The following TTC21B variants were observed in gnomAD, a reference collection of about 807,000 sequenced individuals.
The protein encoded by TTC21B is tetratricopeptide repeat domain 21B, also known as tetratricopeptide repeat protein 21B.
A neutral mutation model predicts 175.1 loss-of-function variants in TTC21B; 127 were observed. The ratio of observed to expected loss-of-function variants is 0.73; its 90% CI spans 0.63 to 0.84. The LOEUF is 0.84. TTC21B is among the 40% of genes least tolerant of loss of function. TTC21B has a pLI of 0.00. For missense variants in TTC21B, 1,561 were observed against 1,558.3 expected (o/e 1.00, Z -0.03); for synonymous variants, 524 against 524.5 (o/e 1.00, Z 0.01).
intron 4 of TTC21B, among the ~76,000 whole-genome samples, chr2:165,944,120 T>G (rs567857294): frequency 6.6e-6 from 1 of 152,244 alleles, no homozygotes; most frequent in Admixed American, 6.5e-5. Context: ...GCTAAATCAG[T>G]GCCATCATTG....
chr2:165,953,678 C>CGCTCACCCGCTCACCT lies in TTC21B; in HGVS notation c.21+6_21+7insAGGTGAGCGGGTGAGC, dbSNP rs778152908. The CGCTCACCCGCTCACCT allele has an allele frequency of 3.2e-5, 49 of 1,548,470 alleles. No homozygotes were observed. Among genetic ancestry groups the CGCTCACCCGCTCACCT allele is most frequent in the South Asian group, 4.8e-5 (4 of 84,016 alleles). ...CCGCTCACCCGCTCACCCGCTCACC[C>CGCTCACCCGCTCACCT]GCTCACCTTCAATTCCTGCGAGTCC... On this transcript the variant is annotated splice_region_variant and intron_variant, in intron 1 of 28. Transcript: ENST00000243344.
At chr2:165,913,303 G>A (rs1035544797) in intron 16 of TTC21B, among the ~76,000 whole-genome samples, 3 of 152,078 alleles carry the variant, frequency 2.0e-5, no homozygotes, top group African/African-American at 7.2e-5. Flanking sequence ...TGGGATTACA[G>A]GCATGAACCA....
chr2:165,908,336 T>G (rs774263432), intron 18 of TTC21B, among the ~76,000 whole-genome samples: 1 of 152,174 alleles, frequency 6.6e-6, no homozygotes, highest in Non-Finnish European at 1.5e-5. Flanking sequence ...AAAATGATAG[T>G]AACTACCTCA....
At chr2:165,881,013 C>A (rs1684819641) in intron 26 of TTC21B, among the ~76,000 whole-genome samples, 1 of 152,118 alleles carries the variant, frequency 6.6e-6, no homozygotes, top group Admixed American at 6.6e-5. Flanking sequence ...TCAGGATTTT[C>A]TTTACAGAAT....
chr2:165,923,989 G>C (rs116542056), intron 12 of TTC21B, among the ~76,000 whole-genome samples: 2,983 of 152,176 alleles, frequency 0.02, 36 homozygotes, highest in Middle Eastern at 0.061. Context: ...CCAGGCTCAA[G>C]TAATCTGCTC....
intron 15 of TTC21B, among the ~76,000 whole-genome samples, chr2:165,914,682 T>TGTGTGTGCGCGCGCGCGCGCGCGC (rs1553511380): frequency 6.7e-6 from 1 of 149,760 alleles, no homozygotes; most frequent in African/African-American, 2.5e-5. Flanking sequence ...TGTGTGTGTG[T>TGTGTGTGCGCGCGCGCGCGCGCGC]GTGTGTGTGT....
chr2:165,910,202 G>A (rs1299796287), intron 18 of TTC21B, among the ~76,000 whole-genome samples: 2 of 152,136 alleles, frequency 1.3e-5, no homozygotes, highest in African/African-American at 4.8e-5. Flanking sequence ...AGGAGATCGA[G>A]ACTGTCCTGG....
chr2:165,945,326 A>G (rs1255838975), intron 4 of TTC21B, among the ~76,000 whole-genome samples, 198 bp downstream of exon 4: 1 of 152,178 alleles, frequency 6.6e-6, no homozygotes, highest in Non-Finnish European at 1.5e-5. Flanking sequence ...GTAGCATAAA[A>G]CTAACCTTAG....
chr2:165,947,926 G>C (rs1687639389), intron 3 of TTC21B: 1 of 152,138 alleles, frequency 6.6e-6, no homozygotes, highest in Non-Finnish European at 1.5e-5. Context: ...ATCAACACTG[G>C]TAAGAATAAC....
chr2:165,941,242 A>G, intron 5 of TTC21B, 58 bp from the exon 6 acceptor site: 1 of 1,580,988 alleles, frequency 6.3e-7, no homozygotes, highest in Non-Finnish European at 8.7e-7. Context: ...CAAAGTTCTC[A>G]TAACGCAGAG....
intron 6 of TTC21B, among the ~76,000 whole-genome samples, chr2:165,937,893 A>G (rs974416312): frequency 1.3e-5 from 2 of 151,518 alleles, no homozygotes; most frequent in Non-Finnish European, 2.9e-5. Context: ...GTGGCCTTCA[A>G]ATATCATTTC....
In TTC21B at chr2:165,917,286, T is replaced by G; in HGVS notation, c.1870A>C (p.Ile624Leu). The G allele has an allele frequency of 6.2e-7, 1 of 1,614,190 alleles. No homozygotes were observed. Residue 624 changes from isoleucine (I) to leucine (L), a missense_variant, in exon 14 of 29, where the codon ATA becomes CTA. Ile to Leu is a conservative substitution (Grantham distance 5). Coordinates refer to ENST00000243344, the MANE Select transcript of TTC21B (RefSeq NM_024753.5). The stretch of plus-strand genomic sequence containing the variant: ...TCTCCATTTAAGCGGTGAACGTCTA[T>G]CAATTCAAGAAAGATCGATAAACGA... ...SHRLSIFLEL[I>L]DVHRLNGEQH...
intron 5 of TTC21B, among the ~76,000 whole-genome samples, chr2:165,942,717 T>C (rs12612487): frequency 0.018 from 2,810 of 152,314 alleles, 125 homozygotes; most frequent in Admixed American, 0.1. Flanking sequence ...TAAATGTGTT[T>C]GCTCAAATGT....
chr2:165,907,943 T>TA (rs58336772), intron 18 of TTC21B, among the ~76,000 whole-genome samples, 159 bp from the exon 19 acceptor site: 31 of 146,276 alleles, frequency 2.1e-4, no homozygotes, highest in African/African-American at 4.3e-4. Flanking sequence ...ATGGCCAAAT[T>TA]AAAAAAAAAA....
intron 4 of TTC21B, among the ~76,000 whole-genome samples, chr2:165,943,599 A>C (rs576089743): frequency 2.6e-5 from 4 of 152,310 alleles, no homozygotes; most frequent in African/African-American, 9.6e-5. Flanking sequence ...CAAATATTCC[A>C]TTAGTGTTAA....
At chr2:165,928,086 A>G (rs995322908) in intron 11 of TTC21B, among the ~76,000 whole-genome samples, 1 of 152,214 alleles carries the variant, frequency 6.6e-6, no homozygotes, top group African/African-American at 2.4e-5. Flanking sequence ...ATAGGGTTTC[A>G]TCTTCAATTA....
At chr2:165,883,014 C>A (rs1301167574) in intron 26 of TTC21B, among the ~76,000 whole-genome samples, 2 of 152,010 alleles carry the variant, frequency 1.3e-5, no homozygotes. Flanking sequence ...AGGAAAGTAT[C>A]TTAATAGTAC....
chr2:165,893,516 A>G (rs73030530), intron 22 of TTC21B, among the ~76,000 whole-genome samples: 349 of 152,346 alleles, frequency 2.3e-3, no homozygotes, highest in African/African-American at 8.1e-3. Flanking sequence ...TTGGTTAACC[A>G]TGACATTTGA....
In TTC21B at chr2:165,929,124, T is replaced by A; in HGVS notation, c.1386+11A>T. 1 of 1,609,972 alleles carries A rather than the reference T, an allele frequency of 6.2e-7. No homozygotes were observed. Among genetic ancestry groups the A allele is most frequent in the Non-Finnish European group, 8.5e-7 (1 of 1,176,732 alleles). Reference sequence around the variant, plus strand: ...AACGCATCCTTGAAAGTAAGTCCCATAATTACTTACCTGCATTGGACAGAA... The same window carrying A: ...AACGCATCCTTGAAAGTAAGTCCCAAAATTACTTACCTGCATTGGACAGAA... On this transcript the variant is annotated intron_variant, in intron 11 of 28. Coordinates refer to ENST00000243344, the MANE Select transcript of TTC21B (RefSeq NM_024753.5).
Sources: gnomAD v4.1 joint callset for allele counts (sites outside exome capture counted in the v4.1 genomes callset) on GRCh38, gnomAD v4.1.1 for gene constraint, MANE v1.5 for transcripts, NCBI Gene and HGNC (gene_info 2026-07-23, HGNC 2026-07-21) for gene names.